CTNNA3: variants seen among roughly 807,000 people sequenced by gnomAD.
CTNNA3 encodes catenin alpha-3.
In CTNNA3, 76 loss-of-function variants were observed where a neutral mutation model predicts 95.7. The ratio of observed to expected loss-of-function variants is 0.79; its 90% CI spans 0.66 to 0.96. The LOEUF (loss-of-function observed/expected upper bound fraction) is 0.96, where lower values mean the gene tolerates loss of function less well. Ranked by LOEUF, CTNNA3 falls within the 40% of genes least tolerant of loss-of-function variation. The pLI is 0.00. For synonymous variants in CTNNA3, 431 were observed against 374.4 expected (o/e 1.15, Z -1.74); for missense variants, 1,191 against 1,089.8 (o/e 1.09, Z -1.31).
chr10:66,813,872 T>C (rs1360888726), intron 7 of CTNNA3, among the ~76,000 whole-genome samples: 2 of 138,564 alleles, frequency 1.4e-5, no homozygotes, highest in Non-Finnish European at 3.2e-5. Flanking sequence ...GTGTGTGTGT[T>C]TGAAAGGAGA....
At chr10:65,926,647 T>G (rs186469172) in intron 17 of CTNNA3, among the ~76,000 whole-genome samples, 1 of 152,092 alleles carries the variant, frequency 6.6e-6, no homozygotes, top group Non-Finnish European at 1.5e-5. Context: ...TGGCTAATTT[T>G]GTATTTTTAG....
chr10:66,832,868 A>G (rs2132325433), intron 7 of CTNNA3, among the ~76,000 whole-genome samples: 1 of 152,250 alleles, frequency 6.6e-6, no homozygotes, highest in South Asian at 2.1e-4. Flanking sequence ...GCACTAGATC[A>G]CTGGAGGAAG....
intron 5 of CTNNA3, among the ~76,000 whole-genome samples, chr10:67,235,904 G>GA (rs2099515330): frequency 6.9e-6 from 1 of 144,366 alleles, no homozygotes; most frequent in African/African-American, 2.7e-5. Context: ...AAAAACACAT[G>GA]AAAAAATGCT....
Position 66,133,441 on chromosome 10 carries a change from G to T in CTNNA3, c.1885-30192C>A, listed in dbSNP as rs550885402. 2.0e-5 allele frequency among the ~76,000 whole-genome samples: 3 copies of T among 151,888 alleles called. No individual in the cohort carries two copies. The South Asian group carries it at 6.2e-4, about 32-fold the overall frequency. On this transcript the variant is annotated intron_variant, in intron 13 of 17. Transcript: ENST00000433211. ...GAGACATGAGAATTGTTTGAATGGG[G>T]GTTGGAGGTTGCAGTGAGCCGAGAT...
At chr10:66,896,681 C>T (rs1845504986) in intron 7 of CTNNA3, among the ~76,000 whole-genome samples, 1 of 152,184 alleles carries the variant, frequency 6.6e-6, no homozygotes, top group Non-Finnish European at 1.5e-5. Flanking sequence ...AGTACAAGGA[C>T]TTCACCAGTC....
At position 67,289,130 on chromosome 10, in the gene CTNNA3, GTAAT is replaced by G. The variant is rs559946490; in HGVS notation, c.580-69264_580-69261del. ...ACTTTGTTTTTTACTTAGATAAAAAGTAATTATCCGTAGAATTTCTAATATTTTT... is the reference window on the plus strand; with the variant it reads ...ACTTTGTTTTTTACTTAGATAAAAAGTATCCGTAGAATTTCTAATATTTTT... On this transcript the variant is annotated intron_variant, in intron 5 of 17. Coordinates refer to ENST00000433211, the MANE Select transcript of CTNNA3 (RefSeq NM_013266.4). 2.3e-3 allele frequency among the ~76,000 whole-genome samples: 349 copies of G among 152,202 alleles called. 1 individual carries two copies. The highest frequency in any genetic ancestry group is 3.3e-3 in the Non-Finnish European group (225 of 68,018).
At chr10:67,222,735 T>G (rs1864717884) in intron 5 of CTNNA3, among the ~76,000 whole-genome samples, 1 of 152,150 alleles carries the variant, frequency 6.6e-6, no homozygotes, top group Non-Finnish European at 1.5e-5. Flanking sequence ...TAAGGCAAAT[T>G]CTCTGATATT....
intron 9 of CTNNA3, among the ~76,000 whole-genome samples, chr10:66,685,172 T>TAC (rs1209652475): frequency 4.5e-5 from 5 of 109,910 alleles, no homozygotes; most frequent in African/African-American, 1.5e-4. Flanking sequence ...TATATATATA[T>TAC]ATACACATAT....
chr10:66,848,380 A>T (rs1393033105), intron 7 of CTNNA3, among the ~76,000 whole-genome samples: 2 of 152,276 alleles, frequency 1.3e-5, no homozygotes, highest in East Asian at 3.9e-4. Flanking sequence ...GTGATATGAG[A>T]CAGAGGGCGC....
chr10:67,120,700 T>A (rs1310707575), intron 7 of CTNNA3, among the ~76,000 whole-genome samples: 1 of 151,990 alleles, frequency 6.6e-6, no homozygotes, highest in Non-Finnish European at 1.5e-5. Context: ...ACTGTATATA[T>A]CTTGTTTATT....
rs182870812 is a variant in CTNNA3, at chr10:66,601,141, C to T, written c.1374+20551G>A. 5.3e-4 allele frequency among the ~76,000 whole-genome samples: 81 copies of T among 151,934 alleles called. 2 individuals are homozygous for T. The highest frequency in any genetic ancestry group is 2.0e-3 in the African/African-American group (81 of 41,514). On this transcript the variant is annotated intron_variant, in intron 10 of 17. Transcript: ENST00000433211. ...GAAAGTACCTGCCAGATCTCAGATG[C>T]ATGAGAAGAGGTCATCTTTTCCTTT...
At chr10:66,410,449 A>G (rs796570550) in intron 11 of CTNNA3, among the ~76,000 whole-genome samples, 39 of 152,296 alleles carry the variant, frequency 2.6e-4, no homozygotes, top group African/African-American at 9.1e-4. Flanking sequence ...AGAGTATGCT[A>G]GTCCCACCCT....
intron 6 of CTNNA3, among the ~76,000 whole-genome samples, chr10:67,195,955 G>A (rs778067151): frequency 2.0e-4 from 31 of 151,292 alleles, no homozygotes; most frequent in Non-Finnish European, 3.7e-4. Context: ...TATCAAATGA[G>A]ATGCAGCTAC....
chr10:67,651,685 T>C (rs1416514908), intron 1 of CTNNA3, among the ~76,000 whole-genome samples: 2 of 152,204 alleles, frequency 1.3e-5, no homozygotes. Context: ...GTCAAAAATA[T>C]AGATATATCA....
At chr10:67,022,929 C>T (rs191210983) in intron 7 of CTNNA3, among the ~76,000 whole-genome samples, 201 of 152,144 alleles carry the variant, frequency 1.3e-3, no homozygotes, top group African/African-American at 4.7e-3. Flanking sequence ...GAGAGTAAGA[C>T]TGTGTCTCAA....
chr10:66,121,384 G>A (rs2082564922), intron 13 of CTNNA3, among the ~76,000 whole-genome samples: 1 of 152,038 alleles, frequency 6.6e-6, no homozygotes, highest in Non-Finnish European at 1.5e-5. Flanking sequence ...TTTTAGCTAT[G>A]TATTCCTTCA....
intron 7 of CTNNA3, among the ~76,000 whole-genome samples, chr10:67,132,546 T>G (rs1033692673): frequency 2.0e-5 from 3 of 152,080 alleles, no homozygotes; most frequent in African/African-American, 7.2e-5. Flanking sequence ...TTAGTCAAGA[T>G]TATCAACTCA....
chr10:67,698,087 C>T (rs1355348511), upstream of CTNNA3, among the ~76,000 whole-genome samples: 1 of 152,166 alleles, frequency 6.6e-6, no homozygotes, highest in Non-Finnish European at 1.5e-5. Context: ...CAGATTTTCA[C>T]AGTAGTTCTT....
chr10:66,843,456 T>C (rs779306178), intron 7 of CTNNA3, among the ~76,000 whole-genome samples: 10 of 152,216 alleles, frequency 6.6e-5, no homozygotes, highest in Non-Finnish European at 1.5e-4. Flanking sequence ...GGGTGCACTG[T>C]ACTTTGTGAA....
Sources: allele counts gnomAD v4.1 joint callset (sites outside exome capture counted in the v4.1 genomes callset), GRCh38; gene constraint gnomAD v4.1.1; transcripts MANE v1.5; gene names NCBI Gene and HGNC (gene_info 2026-07-23, HGNC 2026-07-21).